ST3GAL3: variants seen among roughly 807,000 people sequenced by gnomAD.
ST3GAL3 encodes CMP-N-acetylneuraminate-beta-1,4-galactoside alpha-2,3-sialyltransferase.
ST3GAL3 carries 21 observed loss-of-function variants against 50.1 expected under a neutral mutation model. That is an observed-to-expected ratio of 0.42 (90% CI 0.30 to 0.60). The LOEUF (loss-of-function observed/expected upper bound fraction) is 0.60, where lower values mean the gene tolerates loss of function less well. ST3GAL3 is among the 20% of genes least tolerant of loss of function. The probability of loss-of-function intolerance (pLI) is 0.19; values close to 1 mark genes in which losing one functional copy is unlikely to be tolerated. For missense variants in ST3GAL3, 353 were observed against 489.4 expected (o/e 0.72, Z 2.63); for synonymous variants, 183 against 190.0 (o/e 0.96, Z 0.30).
chr1:43,871,411 G>A (rs114691660), intron 5 of ST3GAL3, among the ~76,000 whole-genome samples: 2,668 of 152,054 alleles, frequency 0.018, 34 homozygotes, highest in Middle Eastern at 0.034. Context: ...TGTTAATGGA[G>A]TGTGAGGGAG....
chr1:43,912,165 C>G (rs1459246676), intron 9 of ST3GAL3: 1 of 152,072 alleles, frequency 6.6e-6, no homozygotes, highest in Non-Finnish European at 1.5e-5. Flanking sequence ...GTCTTAAAAG[C>G]CAAAGTCTCA....
At chr1:43,835,880 C>T (rs1165380585) in intron 4 of ST3GAL3, among the ~76,000 whole-genome samples, 3 of 152,154 alleles carry the variant, frequency 2.0e-5, no homozygotes, top group South Asian at 2.1e-4. Context: ...TGCCGCAGAC[C>T]AAAGCTGTGT....
chr1:43,817,536 C>A (rs12138823), intron 4 of ST3GAL3, among the ~76,000 whole-genome samples: 1 of 128,426 alleles, frequency 7.8e-6, no homozygotes, highest in African/African-American at 3.0e-5. Flanking sequence ...TCCTTCTTCT[C>A]CTTCTCCTTC....
chr1:43,743,984 C>T (rs1682347194), intron 2 of ST3GAL3, among the ~76,000 whole-genome samples: 1 of 152,034 alleles, frequency 6.6e-6, no homozygotes, highest in Non-Finnish European at 1.5e-5. Flanking sequence ...GATACTGGTT[C>T]TGTGAAAATA....
intron 5 of ST3GAL3, among the ~76,000 whole-genome samples, chr1:43,849,074 A>G (rs1314728579): frequency 6.6e-6 from 1 of 152,142 alleles, no homozygotes; most frequent in East Asian, 1.9e-4. Flanking sequence ...GTTATTGGCA[A>G]ATTGCCCTTC....
intron 2 of ST3GAL3, among the ~76,000 whole-genome samples, chr1:43,782,581 C>A (rs908089162): frequency 3.3e-5 from 5 of 152,094 alleles, no homozygotes; most frequent in African/African-American, 1.2e-4. Flanking sequence ...TCTCTATATT[C>A]CTCTCCACTT....
chr1:43,888,211 T>C (rs1163137987), intron 5 of ST3GAL3, among the ~76,000 whole-genome samples: 1 of 152,148 alleles, frequency 6.6e-6, no homozygotes, highest in Non-Finnish European at 1.5e-5. Context: ...GATTTAAATG[T>C]AAAACATGAA....
intron 5 of ST3GAL3, among the ~76,000 whole-genome samples, chr1:43,872,269 A>G (rs915333359): frequency 1.2e-4 from 6 of 48,716 alleles, no homozygotes; most frequent in Non-Finnish European, 1.1e-4. Flanking sequence ...GGAAGGGGGG[A>G]GGGGCTGTGG....
intron 2 of ST3GAL3, among the ~76,000 whole-genome samples, chr1:43,741,480 C>T (rs1480139349): frequency 6.6e-6 from 1 of 152,212 alleles, no homozygotes; most frequent in Non-Finnish European, 1.5e-5. Flanking sequence ...CATTGTTGAT[C>T]TGATTGCCCT....
At position 43,809,420 on chromosome 1, in the gene ST3GAL3, G is replaced by T. The variant is rs933027952; in HGVS notation, c.167-5471G>T. 6.0e-4 allele frequency among the ~76,000 whole-genome samples: 91 copies of T among 152,334 alleles called. 1 individual carries two copies. Among genetic ancestry groups the T allele is most frequent in the African/African-American group, 2.2e-3 (90 of 41,570 alleles). ...ACTATCTAAAATGAAACAGAGTGAG[G>T]GCTGGGTGCAATGGCTTACATCTGT... is the stretch of plus-strand genomic sequence containing the variant. On this transcript the variant is annotated intron_variant, in intron 3 of 11. Coordinates refer to ENST00000347631, the MANE Select transcript of ST3GAL3 (RefSeq NM_006279.5).
intron 5 of ST3GAL3, among the ~76,000 whole-genome samples, chr1:43,886,227 A>G (rs187196022): frequency 6.6e-6 from 1 of 152,268 alleles, no homozygotes; most frequent in Non-Finnish European, 1.5e-5. Flanking sequence ...CTAAAAATAC[A>G]AACATTAGCT....
At chr1:43,715,048 A>T (rs1384500290) in intron 1 of ST3GAL3, among the ~76,000 whole-genome samples, 3 of 152,150 alleles carry the variant, frequency 2.0e-5, no homozygotes, top group Non-Finnish European at 2.9e-5. Flanking sequence ...TGGCATGTTT[A>T]TGTATTTTTA....
intron 5 of ST3GAL3, chr1:43,838,549 G>A: frequency 2.0e-6 from 1 of 490,418 alleles, no homozygotes; most frequent in Non-Finnish European, 3.8e-6. Context: ...TCTGCAGAAG[G>A]ATAACCTACA....
chr1:43,921,747 G>T, intron 11 of ST3GAL3: 1 of 398,750 alleles, frequency 2.5e-6, no homozygotes, highest in Non-Finnish European at 4.4e-6. Flanking sequence ...TGCCCCAAAA[G>T]CTCCTCCCTC....
intron 11 of ST3GAL3, among the ~76,000 whole-genome samples, chr1:43,925,153 G>A (rs2083691922): frequency 6.6e-6 from 1 of 151,982 alleles, no homozygotes; most frequent in Non-Finnish European, 1.5e-5. Context: ...AGCCAGGCGT[G>A]GTGGTGCATG....
chr1:43,860,726 A>AC (rs1427208355), intron 5 of ST3GAL3, among the ~76,000 whole-genome samples: 1 of 152,174 alleles, frequency 6.6e-6, no homozygotes. Context: ...CCTTTCCCTA[A>AC]CCCCTGGAGT....
chr1:43,740,338 A>C (rs868015331), intron 2 of ST3GAL3, among the ~76,000 whole-genome samples: 1 of 137,010 alleles, frequency 7.3e-6, no homozygotes. Flanking sequence ...ACTCAGTCTC[A>C]AAAAAAAAAA....
intron 5 of ST3GAL3, among the ~76,000 whole-genome samples, chr1:43,868,765 A>G (rs912900229): frequency 3.3e-5 from 5 of 152,078 alleles, no homozygotes; most frequent in African/African-American, 1.2e-4. Context: ...CTTCTGTTCA[A>G]TCAAGGGGTT....
Position 43,747,131 on chromosome 1 carries a change from C to T in ST3GAL3, c.118+10751C>T, listed in dbSNP as rs1357829587. Among the ~76,000 whole-genome samples, 8 of 152,088 alleles carry T rather than the reference C, an allele frequency of 5.3e-5. No individual in the cohort carries two copies. In the East Asian group the frequency reaches 5.8e-4, roughly 11 times the overall value. On this transcript the variant is annotated intron_variant, in intron 2 of 11. Coordinates refer to ENST00000347631, the MANE Select transcript of ST3GAL3 (RefSeq NM_006279.5). The stretch of plus-strand genomic sequence containing the variant: ...AAAACGTAAAACAAAAAAATGAGGC[C>T]GGGCACAGTGGCTCACGCCTATAAT...
Sources: allele counts gnomAD v4.1 joint callset (sites outside exome capture counted in the v4.1 genomes callset), GRCh38; gene constraint gnomAD v4.1.1; transcripts MANE v1.5; gene names NCBI Gene and HGNC (gene_info 2026-07-23, HGNC 2026-07-21).